Variants in PRLR observed in about 807,000 individuals in gnomAD.
PRLR encodes the protein hPRL receptor.
A neutral mutation model predicts 40.2 loss-of-function variants in PRLR; 13 were observed. The ratio of observed to expected loss-of-function variants is 0.32; its 90% confidence interval spans 0.21 to 0.51. PRLR has a LOEUF of 0.51. Ranked by LOEUF, PRLR falls within the 20% of genes least tolerant of loss-of-function variation. The pLI, the probability that PRLR is intolerant of heterozygous loss-of-function variation, is 0.97. For synonymous variants in PRLR, 269 were observed against 278.7 expected (o/e 0.97, Z 0.35); for missense variants, 656 against 747.3 (o/e 0.88, Z 1.42).
chr5:35,135,101 T>TTTG (rs71600972), intron 1 of PRLR, among the ~76,000 whole-genome samples: 4,469 of 149,870 alleles, frequency 0.03, 88 homozygotes, highest in Middle Eastern at 0.092. Flanking sequence ...TTTTTTTTTT[T>TTTG]TCTTAGAGAG....
intron 1 of PRLR, among the ~76,000 whole-genome samples, chr5:35,134,000 TA>T (rs1448863541): frequency 1.3e-5 from 2 of 152,026 alleles, no homozygotes; most frequent in East Asian, 3.9e-4. Context: ...TGCAAAGGCA[TA>T]AGAATGATAC....
intron 1 of PRLR, among the ~76,000 whole-genome samples, chr5:35,217,273 C>T (rs1489003511): frequency 3.9e-5 from 6 of 152,136 alleles, no homozygotes; most frequent in African/African-American, 1.2e-4. Context: ...AGACTGAACC[C>T]ATGCAGGCTT....
chr5:35,221,236 CA>C (rs1776410135), intron 1 of PRLR, among the ~76,000 whole-genome samples: 1 of 152,146 alleles, frequency 6.6e-6, no homozygotes, highest in South Asian at 2.1e-4. Context: ...ATGGCTGAGA[CA>C]AGAAAGCAAG....
intron 7 of PRLR, 47 bp from the exon 8 acceptor site, chr5:35,068,925 A>G: frequency 7.3e-7 from 1 of 1,372,256 alleles, no homozygotes; most frequent in Non-Finnish European, 1.0e-6. Flanking sequence ...CAGCATCATT[A>G]AAAACAAACC....
chr5:35,203,766 C>T (rs1775940043), intron 1 of PRLR, among the ~76,000 whole-genome samples: 1 of 152,112 alleles, frequency 6.6e-6, no homozygotes, highest in Non-Finnish European at 1.5e-5. Flanking sequence ...TTACTAGTAG[C>T]AAAGCTCCCC....
At chr5:35,221,962 C>T (rs73764336) in intron 1 of PRLR, among the ~76,000 whole-genome samples, 2,234 of 152,256 alleles carry the variant, frequency 0.015, 48 homozygotes, top group African/African-American at 0.051. Flanking sequence ...CTAGTCTCAC[C>T]GTGGGCAGTG....
At chr5:35,209,285 T>G (rs1426552964) in intron 1 of PRLR, among the ~76,000 whole-genome samples, 1 of 152,218 alleles carries the variant, frequency 6.6e-6, no homozygotes, top group Non-Finnish European at 1.5e-5. Context: ...AAATCTATTC[T>G]GTAATATGCT....
chr5:35,228,974 T>G (rs1776622617), intron 1 of PRLR, among the ~76,000 whole-genome samples: 2 of 151,918 alleles, frequency 1.3e-5, no homozygotes, highest in South Asian at 4.2e-4. Context: ...ATATGCATTT[T>G]GCCCCAGGAA....
At chr5:35,142,596 A>G (rs1306152556) in intron 1 of PRLR, among the ~76,000 whole-genome samples, 1 of 152,266 alleles carries the variant, frequency 6.6e-6, no homozygotes, top group African/African-American at 2.4e-5. Flanking sequence ...AGAGGAAATT[A>G]CTTGGAAACC....
At chr5:35,050,105 T>G (rs1024288613) in intron 8 of PRLR, among the ~76,000 whole-genome samples, 1 of 152,136 alleles carries the variant, frequency 6.6e-6, no homozygotes, top group Non-Finnish European at 1.5e-5. Context: ...TTTCTCCATG[T>G]TGAGGCTGGT....
chr5:35,072,868 C>T lies in PRLR; in HGVS notation c.374-124G>A, dbSNP rs988093546. 4 of 1,105,468 alleles carry T rather than the reference C, an allele frequency of 3.6e-6. No homozygotes were observed. The African/African-American group carries it at 4.7e-5, about 13-fold the overall frequency. The allele number at this position is 1,105,468 out of a possible 1,614,324, so 68.5% of individuals were successfully genotyped here. On this transcript the variant is annotated intron_variant, in intron 5 of 9. Transcript: ENST00000618457. Reference sequence around the variant, plus strand: ...CACTCTTCCCACTGTACTATAAGCCCCCCAAATACCCGGGCCTTTTGTCTT... The same window carrying T: ...CACTCTTCCCACTGTACTATAAGCCTCCCAAATACCCGGGCCTTTTGTCTT...
At chr5:35,111,890 T>A (rs1370552156) in intron 2 of PRLR, among the ~76,000 whole-genome samples, 1 of 152,210 alleles carries the variant, frequency 6.6e-6, no homozygotes. Flanking sequence ...ATGTGATTAC[T>A]TTTGTAATAA....
At chr5:35,179,404 T>C (rs1417442944) in intron 1 of PRLR, among the ~76,000 whole-genome samples, 1 of 152,220 alleles carries the variant, frequency 6.6e-6, no homozygotes, top group Non-Finnish European at 1.5e-5. Flanking sequence ...AATTTTTTAC[T>C]GATTGCTAGC....
chr5:35,190,589 G>T (rs1775573595), intron 1 of PRLR, among the ~76,000 whole-genome samples: 1 of 151,246 alleles, frequency 6.6e-6, no homozygotes, highest in Non-Finnish European at 1.5e-5. Context: ...CTCCAGCATG[G>T]GTGACAGACT....
At chr5:35,167,135 TATC>T (rs1338125351) in intron 1 of PRLR, among the ~76,000 whole-genome samples, 5 of 137,520 alleles carry the variant, frequency 3.6e-5, no homozygotes, top group African/African-American at 8.2e-5. Flanking sequence ...TCTGTTTGTC[TATC>T]ATCTATCTAT....
chr5:35,084,747 G>T, intron 4 of PRLR, 108 bp from the exon 5 acceptor site: 2 of 1,035,298 alleles, frequency 1.9e-6, no homozygotes, highest in Non-Finnish European at 2.8e-6. Context: ...AATTCCAAGC[G>T]CAAAACCCAG....
chr5:35,084,600 A>T lies in PRLR; in HGVS notation c.243T>A (p.Gly81=). The T allele has an allele frequency of 6.2e-7, 1 of 1,611,026 alleles. No homozygotes were observed. The highest frequency in any genetic ancestry group is 8.5e-7 in the Non-Finnish European group (1 of 1,178,810). The change falls in exon 5 of 10, where the codon GGT becomes GGA. Residue 81 remains glycine (G), a synonymous_variant. Coordinates refer to ENST00000618457, the MANE Select transcript of PRLR (RefSeq NM_000949.7). The part of the protein sequence containing the change: ...LMHECPDYIT[G]GPNSCHFGKQ... ...TGCCAAAGTGGCAGGAGTTGGGGCCACCGGTTATGTAGTCTGGACATTCAT... is the reference window on the plus strand; with the variant it reads ...TGCCAAAGTGGCAGGAGTTGGGGCCTCCGGTTATGTAGTCTGGACATTCAT...
chr5:35,193,833 T>A (rs1409408671), intron 1 of PRLR, among the ~76,000 whole-genome samples: 1 of 152,202 alleles, frequency 6.6e-6, no homozygotes, highest in Non-Finnish European at 1.5e-5. Context: ...CTAATTCTGA[T>A]GCCTTGTGAT....
At chr5:35,071,463 T>G (rs1769741511) in intron 6 of PRLR, among the ~76,000 whole-genome samples, 1 of 152,256 alleles carries the variant, frequency 6.6e-6, no homozygotes, top group Admixed American at 6.5e-5. Context: ...CTATGTGTGA[T>G]CCTATTATTT....
Sources: gnomAD v4.1 joint callset for allele counts (sites outside exome capture counted in the v4.1 genomes callset) on GRCh38, gnomAD v4.1.1 for gene constraint, MANE v1.5 for transcripts, NCBI Gene and HGNC (gene_info 2026-07-23, HGNC 2026-07-21) for gene names.